Variants in CTNNA3 observed in about 807,000 individuals in gnomAD.
CTNNA3 encodes catenin alpha 3, also known as catenin alpha-3.
In CTNNA3, 76 loss-of-function variants were observed where a neutral mutation model predicts 95.7. That is an observed-to-expected ratio of 0.79 (90% CI 0.66 to 0.96). The LOEUF is 0.96. Ranked by LOEUF, CTNNA3 falls within the 40% of genes least tolerant of loss-of-function variation. CTNNA3 has a pLI of 0.00. For missense variants in CTNNA3, 1,191 were observed against 1,089.8 expected (o/e 1.09, Z -1.31); for synonymous variants, 431 against 374.4 (o/e 1.15, Z -1.74).
intron 5 of CTNNA3, among the ~76,000 whole-genome samples, chr10:67,346,086 TAGAA>T (rs1371690645): frequency 1.3e-5 from 2 of 152,196 alleles, no homozygotes; most frequent in African/African-American, 4.8e-5. Context: ...AAGTTGTTTG[TAGAA>T]AGAAAGAAAC....
intron 8 of CTNNA3, among the ~76,000 whole-genome samples, chr10:66,769,761 A>C (rs1377966238): frequency 1.3e-5 from 2 of 152,194 alleles, no homozygotes; most frequent in Non-Finnish European, 2.9e-5. Context: ...TCCATCCATT[A>C]GTCAGACAAT....
intron 12 of CTNNA3, among the ~76,000 whole-genome samples, chr10:66,376,245 T>C (rs957382194): frequency 3.3e-5 from 5 of 152,208 alleles, no homozygotes; most frequent in African/African-American, 1.2e-4. Context: ...CCAGAAGGTT[T>C]ATTATTTATT....
intron 11 of CTNNA3, among the ~76,000 whole-genome samples, chr10:66,442,228 T>A (rs989952110): frequency 6.6e-6 from 1 of 152,068 alleles, no homozygotes; most frequent in Non-Finnish European, 1.5e-5. Flanking sequence ...TATGCATAGG[T>A]TATATGCCAA....
At chr10:65,994,928 T>C (rs147450228) in intron 15 of CTNNA3, among the ~76,000 whole-genome samples, 19 of 152,290 alleles carry the variant, frequency 1.2e-4, no homozygotes, top group African/African-American at 4.6e-4. Context: ...TTGTGCATAA[T>C]AAAATCTGTT....
intron 13 of CTNNA3, among the ~76,000 whole-genome samples, chr10:66,232,866 A>G (rs546160938): frequency 9.9e-5 from 15 of 152,098 alleles, no homozygotes; most frequent in Non-Finnish European, 2.1e-4. Flanking sequence ...TCTGTCAACA[A>G]TCAATTTCAG....
chr10:67,713,809 G>C (rs1169785451), intron 1 of CTNNA3, among the ~76,000 whole-genome samples: 3 of 152,152 alleles, frequency 2.0e-5, no homozygotes, highest in Non-Finnish European at 4.4e-5. Context: ...AGGGGATGGA[G>C]AGCATTAAGA....
chr10:67,140,398 G>A (rs1457010275), intron 7 of CTNNA3, among the ~76,000 whole-genome samples: 2 of 152,044 alleles, frequency 1.3e-5, no homozygotes, highest in Non-Finnish European at 2.9e-5. Context: ...TAATAGTCCA[G>A]CTCTAACACA....
Position 67,279,728 on chromosome 10 carries a change from G to A in CTNNA3, c.580-59858C>T, listed in dbSNP as rs753147617. 5.4e-4 allele frequency among the ~76,000 whole-genome samples: 81 copies of A among 150,214 alleles called. 2 individuals carry two copies. Among genetic ancestry groups the A allele is most frequent in the African/African-American group, 1.7e-3 (67 of 40,548 alleles). The stretch of plus-strand genomic sequence containing the variant: ...TTTTGGCATGGTGAATTGGGGTCCC[G>A]AGTTTCTACTTTCCTTTCACAAAAT... On this transcript the variant is annotated intron_variant, in intron 5 of 17. Transcript: ENST00000433211.
chr10:67,613,282 A>C (rs1333263501), intron 2 of CTNNA3, among the ~76,000 whole-genome samples: 2 of 152,044 alleles, frequency 1.3e-5, no homozygotes, highest in Admixed American at 1.3e-4. Flanking sequence ...CTCTACCACG[A>C]ACTCAATAAG....
chr10:66,048,327 C>G (rs2079873504), intron 15 of CTNNA3, among the ~76,000 whole-genome samples: 2 of 152,226 alleles, frequency 1.3e-5, no homozygotes, highest in African/African-American at 4.8e-5. Context: ...AGCTGCACAT[C>G]TACAACCATC....
intron 5 of CTNNA3, among the ~76,000 whole-genome samples, chr10:67,235,250 C>A (rs1338399273): frequency 4.0e-5 from 6 of 150,672 alleles, no homozygotes; most frequent in African/African-American, 1.5e-4. Context: ...ATCACACTAC[C>A]TGACTTCAAA....
intron 11 of CTNNA3, among the ~76,000 whole-genome samples, chr10:66,403,346 A>C (rs2441751): frequency 6.6e-6 from 1 of 151,998 alleles, no homozygotes; most frequent in African/African-American, 2.4e-5. Context: ...ACCTGTGACC[A>C]GGTAATTGAT....
At chr10:66,260,129 C>A (rs576688955) in intron 13 of CTNNA3, among the ~76,000 whole-genome samples, 4 of 152,090 alleles carry the variant, frequency 2.6e-5, no homozygotes, top group African/African-American at 9.7e-5. Context: ...AAGTACTGAT[C>A]CACCAGGAGA....
intron 11 of CTNNA3, among the ~76,000 whole-genome samples, chr10:66,481,958 G>T (rs1260395042): frequency 6.7e-6 from 1 of 148,686 alleles, no homozygotes; most frequent in South Asian, 2.1e-4. Context: ...ATGCTTGAAA[G>T]AAAAAAAAAG....
At chr10:66,775,092 A>G (rs771629243) in intron 8 of CTNNA3, among the ~76,000 whole-genome samples, 12 of 152,304 alleles carry the variant, frequency 7.9e-5, no homozygotes, top group Non-Finnish European at 1.8e-4. Flanking sequence ...AGGCACTTAC[A>G]TGCATTTTAT....
At chr10:67,276,747 G>A (rs546025826) in intron 5 of CTNNA3, among the ~76,000 whole-genome samples, 4 of 152,046 alleles carry the variant, frequency 2.6e-5, no homozygotes, top group African/African-American at 4.8e-5. Context: ...AAGATGGATC[G>A]TGAATTGATA....
intron 11 of CTNNA3, among the ~76,000 whole-genome samples, chr10:66,489,528 G>A (rs1297603588): frequency 6.6e-6 from 1 of 152,112 alleles, no homozygotes; most frequent in Admixed American, 6.5e-5. Context: ...TCTTCCTCTT[G>A]ATACTCCCCA....
At chr10:67,158,620 G>A (rs1861406902) in intron 7 of CTNNA3, among the ~76,000 whole-genome samples, 1 of 152,114 alleles carries the variant, frequency 6.6e-6, no homozygotes, top group African/African-American at 2.4e-5. Flanking sequence ...CATAAGTGTA[G>A]CACGAATTGG....
chr10:67,122,097 T>C (rs563332271), intron 7 of CTNNA3, among the ~76,000 whole-genome samples: 1 of 150,306 alleles, frequency 6.7e-6, no homozygotes, highest in Middle Eastern at 3.5e-3. Flanking sequence ...GGGATGAGGA[T>C]GAGTTCTAGA....
Sources: gnomAD v4.1 joint callset for allele counts (sites outside exome capture counted in the v4.1 genomes callset) on GRCh38, gnomAD v4.1.1 for gene constraint, MANE v1.5 for transcripts, NCBI Gene and HGNC (gene_info 2026-07-23, HGNC 2026-07-21) for gene names.